Variants in SMC3 observed in about 807,000 individuals in gnomAD.
SMC3 encodes the protein structural maintenance of chromosomes 3.
SMC3 carries 20 observed loss-of-function variants against 171.8 expected under a neutral mutation model. That is an observed-to-expected ratio of 0.12 (90% CI 0.08 to 0.17). The LOEUF is 0.17. Among genes scored for constraint, SMC3 ranks in the 10% least tolerant of loss-of-function variants. The probability of loss-of-function intolerance (pLI) is 1.00; values close to 1 mark genes in which losing one functional copy is unlikely to be tolerated. For synonymous variants in SMC3, 464 were observed against 451.1 expected (o/e 1.03, Z -0.36); for missense variants, 543 against 1,420.4 (o/e 0.38, Z 9.93).
chr10:110,597,992 C>G (rs1861327842), intron 19 of SMC3, 147 bp from the exon 20 acceptor site: 1 of 696,640 alleles, frequency 1.4e-6, no homozygotes, highest in African/African-American at 1.8e-5. Context: ...TAATATAGTT[C>G]AGCATTGTTT....
intron 27 of SMC3, 31 bp downstream of exon 27, chr10:110,603,033 T>C (rs1861410877): frequency 8.1e-6 from 13 of 1,610,560 alleles, no homozygotes; most frequent in Non-Finnish European, 1.0e-5. Flanking sequence ...TGGTTTTGTA[T>C]TTAACAATAA....
At chr10:110,576,307 G>T (rs1015175083) in intron 4 of SMC3, among the ~76,000 whole-genome samples, 1 of 152,140 alleles carries the variant, frequency 6.6e-6, no homozygotes, top group African/African-American at 2.4e-5. Context: ...ATCGTAAGTT[G>T]GGGACCACCT....
chr10:110,601,624 C>G lies in SMC3; in HGVS notation c.2645-13C>G. On this transcript the variant is annotated splice_polypyrimidine_tract_variant and intron_variant, in intron 23 of 28. Transcript: ENST00000361804. ...TAGGTATTATAGCCTAATTTTGTTTCCCCCCATCTTAGATTTGGACAATTC... is the reference window on the plus strand; with the variant it reads ...TAGGTATTATAGCCTAATTTTGTTTGCCCCCATCTTAGATTTGGACAATTC... 6.2e-7 allele frequency: 1 copy of G among 1,608,788 alleles called. No individual in the cohort carries two copies. The highest frequency in any genetic ancestry group is 8.5e-7 in the Non-Finnish European group (1 of 1,179,056).
At chr10:110,580,778 T>C in intron 7 of SMC3, 126 bp from the exon 8 acceptor site, 1 of 721,582 alleles carries the variant, frequency 1.4e-6, no homozygotes, top group Non-Finnish European at 2.5e-6. Context: ...GTAACACTTC[T>C]GGTTTCTAAC....
intron 18 of SMC3, among the ~76,000 whole-genome samples, chr10:110,594,066 G>T (rs1375145430): frequency 2.0e-5 from 3 of 149,030 alleles, no homozygotes; most frequent in African/African-American, 7.4e-5. Flanking sequence ...GTCCAGACAG[G>T]GTTCGTACTT....
chr10:110,582,177 CTT>C, intron 9 of SMC3, 79 bp downstream of exon 9: 2 of 1,209,444 alleles, frequency 1.7e-6, no homozygotes, highest in Non-Finnish European at 2.4e-6. Flanking sequence ...CATAATTACA[CTT>C]TTCAGTGATT....
chr10:110,582,191 T>TA, intron 9 of SMC3, 93 bp downstream of exon 9: 1 of 1,150,228 alleles, frequency 8.7e-7, no homozygotes, highest in Non-Finnish European at 1.3e-6. Flanking sequence ...TCAGTGATTT[T>TA]AAATAGAAAC....
At chr10:110,581,740 AT>A (rs1194500743) in intron 8 of SMC3, among the ~76,000 whole-genome samples, 182 bp from the exon 9 acceptor site, 5 of 152,192 alleles carry the variant, frequency 3.3e-5, no homozygotes, top group African/African-American at 1.2e-4. Context: ...ACAGAAAAAA[AT>A]TTGCAACCTC....
chr10:110,569,389 G>C (rs566538131), intron 2 of SMC3, among the ~76,000 whole-genome samples: 1 of 152,098 alleles, frequency 6.6e-6, no homozygotes, highest in East Asian at 1.9e-4. Context: ...CCCCCACCCC[G>C]GCAGTCAGTG....
chr10:110,594,681 T>C (rs1423123964), intron 18 of SMC3, among the ~76,000 whole-genome samples: 18 of 145,774 alleles, frequency 1.2e-4, no homozygotes. Flanking sequence ...TTTTCCTCTT[T>C]ATTTGTTGAA....
In SMC3 at chr10:110,591,850, A is replaced by G. The variant is rs556745033; in HGVS notation, c.1812+718A>G. On this transcript the variant is annotated intron_variant, in intron 17 of 28. Transcript: ENST00000361804. Reference sequence around the variant, plus strand: ...AGGGTCTGACTTTTTCTGCTATCACATCTACAAATTGTCTTTGAAGTTTGG... The same window carrying G: ...AGGGTCTGACTTTTTCTGCTATCACGTCTACAAATTGTCTTTGAAGTTTGG... Among the ~76,000 whole-genome samples, 55 of 152,358 alleles carry G rather than the reference A, an allele frequency of 3.6e-4. 1 individual carries two copies. In the South Asian group the frequency reaches 0.011, roughly 30 times the overall value.
chr10:110,601,195 G>GAAAT (rs1361882994), intron 23 of SMC3, 65 bp downstream of exon 23: 8 of 1,140,746 alleles, frequency 7.0e-6, no homozygotes, highest in Non-Finnish European at 1.1e-5. Flanking sequence ...ACTACAGAAT[G>GAAAT]AAATGTCCAA....
chr10:110,592,756 G>A (rs187506707), intron 17 of SMC3, among the ~76,000 whole-genome samples: 23 of 152,248 alleles, frequency 1.5e-4, no homozygotes, highest in Admixed American at 2.0e-4. Flanking sequence ...TATTATCTGA[G>A]GAAGTTAAGC....
chr10:110,587,020 C>G (rs555985588), intron 13 of SMC3, among the ~76,000 whole-genome samples: 9 of 152,268 alleles, frequency 5.9e-5, no homozygotes, highest in African/African-American at 1.7e-4. Flanking sequence ...TTTTTAAAAC[C>G]TGCAGTATGA....
intron 4 of SMC3, among the ~76,000 whole-genome samples, chr10:110,576,590 A>G (rs770885727): frequency 6.6e-6 from 1 of 152,214 alleles, no homozygotes; most frequent in Non-Finnish European, 1.5e-5. Context: ...ATTCCTCAAC[A>G]TGTCTTAACA....
intron 13 of SMC3, among the ~76,000 whole-genome samples, chr10:110,587,538 TAGCTG>T (rs1861140710): frequency 6.6e-6 from 1 of 151,958 alleles, no homozygotes; most frequent in Admixed American, 6.6e-5. Flanking sequence ...TATAAAAAAT[TAGCTG>T]GGCGTGGTGG....
At position 110,582,697 on chromosome 10, in the gene SMC3, C is replaced by G. The variant is rs962268780; in HGVS notation, c.804+55C>G. The G allele has an allele frequency of 2.6e-5, 35 of 1,333,724 alleles. No homozygotes were observed. The Admixed American group carries it at 4.6e-4, about 17-fold the overall frequency. 82.6% of individuals were successfully genotyped at this position (1,333,724 alleles called of 1,614,324 possible). ...TTACTTTTTACTTTTGAGACAGGGTCTTGTTCTGTCATCCAGGCTGGAGTA... is the reference window on the plus strand; with the variant it reads ...TTACTTTTTACTTTTGAGACAGGGTGTTGTTCTGTCATCCAGGCTGGAGTA... On this transcript the variant is annotated intron_variant, in intron 10 of 28. Transcript: ENST00000361804.
intron 7 of SMC3, among the ~76,000 whole-genome samples, chr10:110,580,206 G>C (rs1861011615): frequency 1.3e-5 from 2 of 152,186 alleles, no homozygotes; most frequent in East Asian, 1.9e-4. Flanking sequence ...TTATATAAGG[G>C]ACTTGAGCAT....
chr10:110,578,070 A>G (rs548411493), intron 6 of SMC3, among the ~76,000 whole-genome samples, 156 bp downstream of exon 6: 6 of 152,160 alleles, frequency 3.9e-5, no homozygotes, highest in Non-Finnish European at 8.8e-5. Context: ...CACCACGCCC[A>G]GCCAGCATTT....
Sources: allele counts gnomAD v4.1 joint callset (sites outside exome capture counted in the v4.1 genomes callset), GRCh38; gene constraint gnomAD v4.1.1; transcripts MANE v1.5; gene names NCBI Gene and HGNC (gene_info 2026-07-23, HGNC 2026-07-21).